RGS6: variants seen among roughly 807,000 people sequenced by gnomAD.
RGS6 encodes regulator of G protein signaling 6.
Under a neutral mutation model 78.5 loss-of-function variants are expected in RGS6, and 30 were observed. The observed-to-expected ratio is 0.38, with a 90% CI of 0.29 to 0.52. RGS6 has a LOEUF of 0.52. Among genes scored for constraint, RGS6 ranks in the 20% least tolerant of loss-of-function variants. The probability of loss-of-function intolerance (pLI) is 0.85; values close to 1 mark genes in which losing one functional copy is unlikely to be tolerated. For missense variants in RGS6, 495 were observed against 609.7 expected, an observed-to-expected ratio of 0.81 and a Z score of 1.98; for synonymous variants, 206 against 206.0, an observed-to-expected ratio of 1.00 and a Z score of 0.00.
At chr14:72,052,032 G>A (rs748179609) in intron 2 of RGS6, among the ~76,000 whole-genome samples, 1 of 152,128 alleles carries the variant, frequency 6.6e-6, no homozygotes. Context: ...CTGTGCAAAC[G>A]TCAGGTGGGA....
intron 2 of RGS6, among the ~76,000 whole-genome samples, chr14:72,092,129 A>C (rs1296641665): frequency 6.6e-6 from 1 of 150,590 alleles, no homozygotes; most frequent in Admixed American, 6.6e-5. Context: ...GAATTCAATC[A>C]ATTCTCCTGC....
chr14:72,019,122 A>G (rs1396459849), intron 2 of RGS6, among the ~76,000 whole-genome samples: 1 of 152,176 alleles, frequency 6.6e-6, no homozygotes, highest in Non-Finnish European at 1.5e-5. Flanking sequence ...TGCCATTCTT[A>G]TAGAAACTCT....
chr14:72,085,262 CTTTAT>C (rs1451877765), intron 2 of RGS6, among the ~76,000 whole-genome samples: 2 of 152,168 alleles, frequency 1.3e-5, no homozygotes, highest in African/African-American at 4.8e-5. Flanking sequence ...AAATGGCATA[CTTTAT>C]TTTAATCGTA....
chr14:72,411,050 G>A (rs1017757096), intron 3 of RGS6, among the ~76,000 whole-genome samples: 134 of 152,050 alleles, frequency 8.8e-4, no homozygotes, highest in African/African-American at 3.0e-3. Context: ...TTGGTAATGC[G>A]GGCTCTTTTT....
intron 2 of RGS6, among the ~76,000 whole-genome samples, chr14:72,174,170 C>A (rs555502953): frequency 2.0e-5 from 3 of 152,206 alleles, no homozygotes; most frequent in Non-Finnish European, 4.4e-5. Context: ...GTGCAAGGCA[C>A]GATCTCAGCT....
chr14:71,907,781 G>C, the RGS6 span, among the ~76,000 whole-genome samples: 7,897 of 152,124 alleles, frequency 0.052, 513 homozygotes, highest in African/African-American at 0.14. Flanking sequence ...GGCAGTGATG[G>C]GAGGAGATTT....
chr14:72,350,637 A>T (rs1004385253), intron 2 of RGS6, among the ~76,000 whole-genome samples: 1 of 152,158 alleles, frequency 6.6e-6, no homozygotes, highest in East Asian at 1.9e-4. Flanking sequence ...ATGCAAGGTG[A>T]TGTAACTCCA....
intron 2 of RGS6, among the ~76,000 whole-genome samples, chr14:72,290,663 C>G (rs1021756165): frequency 1.3e-5 from 2 of 152,250 alleles, no homozygotes; most frequent in Middle Eastern, 3.4e-3. Flanking sequence ...GCTGCAGAAG[C>G]AAGGAAGAAA....
intron 2 of RGS6, among the ~76,000 whole-genome samples, chr14:72,044,239 C>T (rs1048671645): frequency 3.3e-5 from 5 of 152,148 alleles, no homozygotes; most frequent in African/African-American, 1.2e-4. Flanking sequence ...TCTTAACATA[C>T]TGTGATAGTT....
chr14:71,971,375 C>T (rs2093793893), intron 2 of RGS6, among the ~76,000 whole-genome samples: 1 of 152,164 alleles, frequency 6.6e-6, no homozygotes, highest in Non-Finnish European at 1.5e-5. Flanking sequence ...TTGCACTGGC[C>T]ATATCCGTCT....
intron 2 of RGS6, among the ~76,000 whole-genome samples, chr14:72,283,648 T>C (rs2061971069): frequency 6.6e-6 from 1 of 152,236 alleles, no homozygotes; most frequent in Admixed American, 6.5e-5. Flanking sequence ...ATTAAACTTC[T>C]TTTTCTTTAT....
intron 2 of RGS6, among the ~76,000 whole-genome samples, chr14:72,234,487 TTA>T (rs1470099778): frequency 6.6e-6 from 1 of 152,146 alleles, no homozygotes; most frequent in African/African-American, 2.4e-5. Context: ...GAAGGCAAAT[TTA>T]TATGAGGACA....
At chr14:72,012,163 T>C (rs2085894917) in intron 2 of RGS6, among the ~76,000 whole-genome samples, 1 of 152,208 alleles carries the variant, frequency 6.6e-6, no homozygotes, top group East Asian at 1.9e-4. Context: ...ACTTCTCATT[T>C]AATTGCTTAT....
chr14:71,900,597 A>G, the RGS6 span, among the ~76,000 whole-genome samples: 3 of 152,180 alleles, frequency 2.0e-5, no homozygotes, highest in Non-Finnish European at 4.4e-5. Flanking sequence ...GTATTTGTCT[A>G]TGTTAGAAAA....
chr14:72,195,162 C>G (rs376338373), intron 2 of RGS6, among the ~76,000 whole-genome samples: 2 of 151,626 alleles, frequency 1.3e-5, no homozygotes, highest in African/African-American at 4.8e-5. Context: ...GAGCCGAGAT[C>G]GCACCACTGC....
chr14:72,560,797 CGT>C (rs57504072), intron 17 of RGS6, among the ~76,000 whole-genome samples: 6,741 of 141,206 alleles, frequency 0.048, 187 homozygotes, highest in South Asian at 0.12. Flanking sequence ...ATTTTGTGGA[CGT>C]GTGTGTGTGT....
rs929900687 is a variant in RGS6 at position 72,562,810 on chromosome 14, T to G, written c.*343T>G. On this transcript the variant is annotated 3_prime_UTR_variant, in exon 18 of 18. Coordinates refer to ENST00000553525, the MANE Select transcript of RGS6 (RefSeq NM_001204424.2). ...TTCCTGTCACGACTATCACTTGAGA[T>G]TATATTATTATCCTCACTCCCTCGC... is the stretch of plus-strand genomic sequence containing the variant. 4.2e-6 allele frequency: 6 copies of G among 1,422,900 alleles called. No homozygotes were observed. Among genetic ancestry groups the G allele is most frequent in the Admixed American group, 2.0e-5 (1 of 50,836 alleles). 88.1% of individuals were successfully genotyped at this position (1,422,900 alleles called of 1,614,324 possible). A position where few individuals can be genotyped will look rare whatever the true frequency, so the allele number is the denominator to read the frequency against.
At chr14:72,251,045 G>A (rs999368676) in intron 2 of RGS6, among the ~76,000 whole-genome samples, 1 of 152,250 alleles carries the variant, frequency 6.6e-6, no homozygotes, top group African/African-American at 2.4e-5. Flanking sequence ...AGGAGCCAGA[G>A]ATGGTGGATG....
chr14:72,142,141 C>T (rs924239074), intron 2 of RGS6, among the ~76,000 whole-genome samples: 1 of 152,114 alleles, frequency 6.6e-6, no homozygotes, highest in East Asian at 1.9e-4. Context: ...GTTAATTGTA[C>T]TAGCTTAAGA....
Sources: gnomAD v4.1 joint callset for allele counts (sites outside exome capture counted in the v4.1 genomes callset) on GRCh38, gnomAD v4.1.1 for gene constraint, MANE v1.5 for transcripts, NCBI Gene and HGNC (gene_info 2026-07-23, HGNC 2026-07-21) for gene names.